PYGO1: variants seen among roughly 807,000 people sequenced by gnomAD.
PYGO1 encodes the protein pygopus family PHD finger 1.
PYGO1 carries 6 observed loss-of-function variants against 29.5 expected under a neutral mutation model. The observed-to-expected ratio is 0.20, with a 90% CI of 0.11 to 0.40. The LOEUF (loss-of-function observed/expected upper bound fraction) is 0.40. PYGO1 is among the 10% of genes least tolerant of loss of function. The probability of loss-of-function intolerance (pLI) is 1.00; values close to 1 mark genes in which losing one functional copy is unlikely to be tolerated. For missense variants in PYGO1, 515 were observed against 514.9 expected (o/e 1.00, Z 0.00); for synonymous variants, 186 against 180.5 (o/e 1.03, Z -0.24).
At position 55,540,043 on chromosome 15, in the gene PYGO1, C is replaced by T. The variant is rs2058822619; in HGVS notation, c.*5980G>A. The T allele has an allele frequency of 6.6e-6, 1 of 152,024 alleles. No homozygotes were observed. The highest frequency in any genetic ancestry group is 2.4e-5 in the African/African-American group (1 of 41,436). The allele number at this position is 152,024 out of a possible 1,614,324, so 9.4% of individuals were successfully genotyped here. ...TTACTTATTACAATTCTTTTGGGTA[C>T]TTGTCTTAATGACAAAATAAGAATG... On this transcript the variant is annotated 3_prime_UTR_variant, in exon 3 of 3. Coordinates refer to ENST00000563719, the MANE Select transcript of PYGO1 (RefSeq NM_001367806.1).
In PYGO1 at chr15:55,562,425, A is replaced by G. The variant is rs931036019; in HGVS notation, c.50-13430T>C. Among the ~76,000 whole-genome samples the G allele has an allele frequency of 9.2e-5, 14 of 152,264 alleles. No individual in the cohort carries two copies. The East Asian group carries it at 2.3e-3, about 25-fold the overall frequency. On this transcript the variant is annotated intron_variant, in intron 1 of 2. Transcript: ENST00000563719. The stretch of plus-strand genomic sequence containing the variant: ...GGTGGCTCATGCCTGTAATCCCAGC[A>G]CTTTGGGAGGCTGAGGTGGGCAGAT...
chr15:55,582,486 T>C (rs2059029349), intron 1 of PYGO1, among the ~76,000 whole-genome samples: 1 of 152,194 alleles, frequency 6.6e-6, no homozygotes, highest in African/African-American at 2.4e-5. Context: ...CACATTCTGC[T>C]TTTCAGCGTC....
chr15:55,561,973 T>C (rs1021983315), intron 1 of PYGO1, among the ~76,000 whole-genome samples: 1 of 152,044 alleles, frequency 6.6e-6, no homozygotes, highest in Non-Finnish European at 1.5e-5. Context: ...ATCCAGAGTC[T>C]ACAAGGAACT....
At chr15:55,557,792 G>A (rs1053758019) in intron 1 of PYGO1, among the ~76,000 whole-genome samples, 4 of 152,146 alleles carry the variant, frequency 2.6e-5, no homozygotes, top group Non-Finnish European at 4.4e-5. Context: ...AAATTCAACA[G>A]CCCTTCATGC....
chr15:55,584,244 C>G (rs28711811), intron 1 of PYGO1, among the ~76,000 whole-genome samples: 238 of 151,724 alleles, frequency 1.6e-3, no homozygotes, highest in Admixed American at 3.6e-3. Context: ...CAGCCTCCCA[C>G]GTAGCTAAGA....
chr15:55,551,961 T>C (rs965924990), intron 1 of PYGO1, among the ~76,000 whole-genome samples: 7 of 152,120 alleles, frequency 4.6e-5, no homozygotes, highest in African/African-American at 1.7e-4. Flanking sequence ...TAATATGCCA[T>C]ATTAATAGAA....
intron 1 of PYGO1, among the ~76,000 whole-genome samples, chr15:55,550,667 CTT>C (rs1372595258): frequency 6.6e-6 from 1 of 152,154 alleles, no homozygotes; most frequent in African/African-American, 2.4e-5. Context: ...TGCTACCTCA[CTT>C]TTTGCTTTTT....
intron 1 of PYGO1, among the ~76,000 whole-genome samples, chr15:55,551,098 G>A (rs1378636606): frequency 3.9e-5 from 6 of 152,162 alleles, no homozygotes; most frequent in Admixed American, 6.5e-5. Context: ...AGTAATGCTC[G>A]CTCACCCGCC....
At chr15:55,551,574 T>A (rs550814570) in intron 1 of PYGO1, among the ~76,000 whole-genome samples, 18 of 151,900 alleles carry the variant, frequency 1.2e-4, no homozygotes, top group Non-Finnish European at 2.4e-4. Context: ...AGGCGGGGGA[T>A]TGCTCCAGCC....
intron 1 of PYGO1, among the ~76,000 whole-genome samples, chr15:55,584,590 G>A (rs1178794261): frequency 2.0e-5 from 3 of 152,140 alleles, no homozygotes; most frequent in Non-Finnish European, 2.9e-5. Flanking sequence ...AAGGGAAAAG[G>A]GCAAGTAAAA....
intron 1 of PYGO1, among the ~76,000 whole-genome samples, chr15:55,584,737 AT>A (rs2059039621): frequency 6.6e-6 from 1 of 152,218 alleles, no homozygotes; most frequent in Non-Finnish European, 1.5e-5. Flanking sequence ...CTGTCTTATA[AT>A]CAAAAGGTGA....
chr15:55,552,402 C>T (rs2058883299), intron 1 of PYGO1, among the ~76,000 whole-genome samples: 2 of 148,952 alleles, frequency 1.3e-5, no homozygotes, highest in South Asian at 2.1e-4. Flanking sequence ...GAGCTGTGGT[C>T]CATGGCTCTC....
rs769619041 is a variant in PYGO1, at chr15:55,546,895, G to C, written c.388C>G (p.Pro130Ala). 2.5e-5 allele frequency: 41 copies of C among 1,613,984 alleles called. No individual in the cohort carries two copies. The highest frequency in any genetic ancestry group is 5.0e-5 in the Admixed American group (3 of 59,986). ...ATGCCCAGAGGATTCTGAGGAAATG[G>C]GTGTGGCTGGTTCCTGAGTGAGTAA... is the stretch of plus-strand genomic sequence containing the variant. ...GPYSLRNQPH[P>A]FPQNPLGMGF... The change falls in exon 3 of 3, where the codon CCA (proline) becomes GCA (alanine). Residue 130 changes from proline (P) to alanine (A), a missense_variant. Coordinates refer to ENST00000563719, the MANE Select transcript of PYGO1 (RefSeq NM_001367806.1).
At chr15:55,565,002 CTCTT>C (rs1000924524) in intron 1 of PYGO1, among the ~76,000 whole-genome samples, 10 of 152,180 alleles carry the variant, frequency 6.6e-5, no homozygotes, top group African/African-American at 2.4e-4. Flanking sequence ...TGATTCATGA[CTCTT>C]TCTGCTTTCA....
intron 1 of PYGO1, among the ~76,000 whole-genome samples, chr15:55,566,390 A>C (rs996326172): frequency 0.019 from 15 of 810 alleles, no homozygotes; most frequent in Non-Finnish European, 0.097. Flanking sequence ...TATTGCTACA[A>C]AAAAAAAAAA....
In PYGO1 at chr15:55,538,954, C is replaced by T. The variant is rs1453693068; in HGVS notation, c.*7069G>A. The T allele has an allele frequency of 6.6e-6, 1 of 152,122 alleles. No homozygotes were observed. The highest frequency in any genetic ancestry group is 1.5e-5 in the Non-Finnish European group (1 of 68,020). 9.4% of individuals were successfully genotyped at this position (152,122 alleles called of 1,614,324 possible). A position where few individuals can be genotyped will look rare whatever the true frequency, so the allele number is the denominator to read the frequency against. On this transcript the variant is annotated 3_prime_UTR_variant, in exon 3 of 3. Coordinates refer to ENST00000563719, the MANE Select transcript of PYGO1 (RefSeq NM_001367806.1). ...AATAACACTATAGGAAACAAACTTA[C>T]AATACATATTATTCAAGAAAGCCTG...
intron 1 of PYGO1, among the ~76,000 whole-genome samples, chr15:55,553,591 AG>A (rs2058889838): frequency 2.0e-5 from 3 of 151,976 alleles, no homozygotes; most frequent in Non-Finnish European, 1.5e-5. Context: ...TTGTATTTTT[AG>A]TACAGATGGG....
At chr15:55,547,517 C>T in intron 2 of PYGO1, among the ~76,000 whole-genome samples, 1 of 152,130 alleles carries the variant, frequency 6.6e-6, no homozygotes, top group Non-Finnish European at 1.5e-5. Flanking sequence ...AGCAGTCTAA[C>T]CTAAAATACC....
intron 1 of PYGO1, among the ~76,000 whole-genome samples, chr15:55,586,029 TC>T (rs1435556809): frequency 1.3e-5 from 2 of 152,122 alleles, no homozygotes; most frequent in Non-Finnish European, 2.9e-5. Context: ...GCTAAGAAAA[TC>T]ATTTTCTACC....
Sources: allele counts gnomAD v4.1 joint callset (sites outside exome capture counted in the v4.1 genomes callset), GRCh38; gene constraint gnomAD v4.1.1; transcripts MANE v1.5; gene names NCBI Gene and HGNC (gene_info 2026-07-23, HGNC 2026-07-21).